The following ANK2 variants were observed in gnomAD, a reference collection of about 807,000 sequenced individuals.
The protein encoded by ANK2 is ankyrin-2.
ANK2 carries 83 observed loss-of-function variants against 360.5 expected under a neutral mutation model. That is an observed-to-expected ratio of 0.23 (90% CI 0.19 to 0.28). ANK2 has a LOEUF of 0.28. Ranked by LOEUF, ANK2 falls within the 10% of genes least tolerant of loss-of-function variation. ANK2 has a pLI of 1.00. For missense variants in ANK2, 4,201 were observed against 4,795.7 expected, an observed-to-expected ratio of 0.88 and a Z score of 3.66; for synonymous variants, 1,740 against 1,759.5, an observed-to-expected ratio of 0.99 and a Z score of 0.28.
chr4:112,914,978 G>A (rs1376644936), intron 2 of ANK2, among the ~76,000 whole-genome samples: 5 of 152,132 alleles, frequency 3.3e-5, no homozygotes, highest in African/African-American at 7.2e-5. Context: ...AGCAAGTGAC[G>A]GCTGCCTCTG....
At chr4:113,310,158 T>C (rs2079169055) in intron 23 of ANK2, among the ~76,000 whole-genome samples, 1 of 152,162 alleles carries the variant, frequency 6.6e-6, no homozygotes. Flanking sequence ...GTAGGACCCA[T>C]TTTATTAAGG....
chr4:113,114,139 T>A (rs1440785696), intron 1 of ANK2, among the ~76,000 whole-genome samples: 1 of 152,154 alleles, frequency 6.6e-6, no homozygotes, highest in Non-Finnish European at 1.5e-5. Context: ...TTTCCTGTTT[T>A]GTGATTTGAA....
intron 4 of ANK2, among the ~76,000 whole-genome samples, chr4:113,221,262 A>G (rs969343655): frequency 1.3e-5 from 2 of 152,198 alleles, no homozygotes; most frequent in African/African-American, 4.8e-5. Flanking sequence ...GTTGGTCTGG[A>G]GCAACATCAC....
upstream of ANK2, among the ~76,000 whole-genome samples, chr4:112,813,248 A>AAT (rs1553924032): frequency 3.3e-5 from 5 of 151,182 alleles, no homozygotes; most frequent in African/African-American, 1.2e-4. Context: ...AAAAAAAAAA[A>AAT]AAAATCAAAA....
chr4:113,339,139 T>C lies in ANK2; in HGVS notation c.3797-87T>C, dbSNP rs2093954092. 9 of 1,138,828 alleles carry C rather than the reference T, an allele frequency of 7.9e-6. No homozygotes were observed. In the Admixed American group the frequency reaches 1.4e-4, roughly 17 times the overall value. The allele number at this position is 1,138,828 out of a possible 1,614,324, so 70.5% of individuals were successfully genotyped here. A position where few individuals can be genotyped will look rare whatever the true frequency, so the allele number is the denominator to read the frequency against. ...GCCATTTTGAGGGGTGGGATTTGGCTTGTGAACACAGAACCACAAAGACTT... is the reference window on the plus strand; with the variant it reads ...GCCATTTTGAGGGGTGGGATTTGGCCTGTGAACACAGAACCACAAAGACTT... On this transcript the variant is annotated intron_variant, in intron 31 of 45. Transcript: ENST00000357077.
Position 112,845,475 on chromosome 4 carries a change from C to T in ANK2, c.-40+27211C>T, listed in dbSNP as rs577935877. On this transcript the variant is annotated intron_variant, in intron 1 of 30. Transcript: ENST00000503271. ...TCTTTTTAGTAGAAGGAAACTGACTCTAGTGAGATTTCATAGATACCAATT... is the reference window on the plus strand; with the variant it reads ...TCTTTTTAGTAGAAGGAAACTGACTTTAGTGAGATTTCATAGATACCAATT... Among the ~76,000 whole-genome samples, 38 of 152,170 alleles carry T rather than the reference C, an allele frequency of 2.5e-4. No individual in the cohort carries two copies. The South Asian group carries it at 7.9e-3, about 32-fold the overall frequency.
intron 2 of ANK2, among the ~76,000 whole-genome samples, chr4:113,015,510 T>C (rs1363430448): frequency 1.3e-5 from 2 of 152,254 alleles, no homozygotes; most frequent in Non-Finnish European, 2.9e-5. Flanking sequence ...TGTTATGATT[T>C]AATATGTTCA....
At position 113,064,121 on chromosome 4, in the gene ANK2, A is replaced by C. The variant is rs113044314; in HGVS notation, c.84+14309A>C. Among the ~76,000 whole-genome samples the C allele has an allele frequency of 2.6e-3, 400 of 152,316 alleles. 3 individuals carry two copies. The highest frequency in any genetic ancestry group is 8.8e-3 in the African/African-American group (365 of 41,584). ...TTTGGAAATTTTAGTGATACAGTCC[A>C]GTTTAATTGCTGAATTGTTTACAGG... On this transcript the variant is annotated intron_variant, in intron 1 of 45. Coordinates refer to ENST00000357077, the MANE Select transcript of ANK2 (RefSeq NM_001148.6).
chr4:113,206,492 T>G (rs1011422942), intron 4 of ANK2, among the ~76,000 whole-genome samples: 7 of 152,096 alleles, frequency 4.6e-5, no homozygotes, highest in African/African-American at 1.7e-4. Flanking sequence ...TTTTTTCCAT[T>G]GGGAGTATTA....
intron 2 of ANK2, among the ~76,000 whole-genome samples, chr4:113,010,941 C>G (rs1238251995): frequency 1.0e-5 from 1 of 99,322 alleles, no homozygotes; most frequent in Non-Finnish European, 2.8e-5. Context: ...CTGTCATACA[C>G]ACATTAATAT....
chr4:113,336,300 A>C, intron 30 of ANK2: 3 of 586,326 alleles, frequency 5.1e-6, no homozygotes, highest in Non-Finnish European at 5.8e-6. Flanking sequence ...TGTAAAAAAA[A>C]AAAAAAGAAA....
chr4:112,720,198 C>A, the ANK2 span, among the ~76,000 whole-genome samples: 1 of 152,170 alleles, frequency 6.6e-6, no homozygotes, highest in African/African-American at 2.4e-5. Context: ...TTATCCACTC[C>A]TGTAGCTTCT....
At chr4:112,914,771 G>A (rs1216734850) in intron 2 of ANK2, among the ~76,000 whole-genome samples, 1 of 152,134 alleles carries the variant, frequency 6.6e-6, no homozygotes, top group African/African-American at 2.4e-5. Flanking sequence ...GAGCTAGAAG[G>A]GGTTGGAAAG....
chr4:112,793,706 C>CTTTTTTTT, the ANK2 span, among the ~76,000 whole-genome samples: 1 of 134,814 alleles, frequency 7.4e-6, no homozygotes, highest in Non-Finnish European at 1.6e-5. Flanking sequence ...ATTTTCTTTT[C>CTTTTTTTT]TTTTTTTTTT....
At chr4:112,709,928 C>A in the ANK2 span, among the ~76,000 whole-genome samples, 1 of 152,226 alleles carries the variant, frequency 6.6e-6, no homozygotes, top group African/African-American at 2.4e-5. Context: ...ATCAATCCTT[C>A]CCCATGGTCT....
At chr4:113,323,245 G>T (rs2087467779) in intron 26 of ANK2, among the ~76,000 whole-genome samples, 2 of 152,060 alleles carry the variant, frequency 1.3e-5, no homozygotes, top group Non-Finnish European at 2.9e-5. Context: ...CGATACTCTA[G>T]TAGGTAATTG....
intron 2 of ANK2, among the ~76,000 whole-genome samples, chr4:112,932,543 T>C (rs909304241): frequency 2.0e-5 from 3 of 149,154 alleles, no homozygotes; most frequent in Non-Finnish European, 4.5e-5. Context: ...TATATGATCC[T>C]AACAAAGTAG....
rs150312254 is a variant in ANK2 at position 113,031,136 on chromosome 4, G to C, written c.21+126622G>C. Among the ~76,000 whole-genome samples, 991 of 152,076 alleles carry C rather than the reference G, an allele frequency of 6.5e-3. 12 individuals carry two copies. The highest frequency in any genetic ancestry group is 0.023 in the African/African-American group (950 of 41,504). ...GACTTGAATTGTCTGCCAGTTTTGT[G>C]ACTCTAATTTGAAGTTTGCCAAAAA... On this transcript the variant is annotated intron_variant, in intron 2 of 30. Transcript: ENST00000503271.
intron 43 of ANK2, among the ~76,000 whole-genome samples, chr4:113,370,410 T>C (rs1274438722): frequency 6.6e-6 from 1 of 152,128 alleles, no homozygotes; most frequent in East Asian, 1.9e-4. Flanking sequence ...TCATAGCGCT[T>C]CCTTTGTCAT....
Sources: gnomAD v4.1 joint callset for allele counts (sites outside exome capture counted in the v4.1 genomes callset) on GRCh38, gnomAD v4.1.1 for gene constraint, MANE v1.5 for transcripts, NCBI Gene and HGNC (gene_info 2026-07-23, HGNC 2026-07-21) for gene names.